The following DNAH14 variants were observed in gnomAD, a reference collection of about 807,000 sequenced individuals.
DNAH14 encodes the protein dynein axonemal heavy chain 14.
In DNAH14, 478 loss-of-function variants were observed where a neutral mutation model predicts 520.9. That is an observed-to-expected ratio of 0.92 (90% confidence interval 0.85 to 0.99). The LOEUF (loss-of-function observed/expected upper bound fraction) is 0.99, where lower values mean the gene tolerates loss of function less well. DNAH14 is among the 50% of genes least tolerant of loss of function. DNAH14 has a pLI of 0.00. For missense variants in DNAH14, 4,831 were observed against 5,234.5 expected, an observed-to-expected ratio of 0.92 and a Z score of 2.38; for synonymous variants, 1,581 against 1,757.2, an observed-to-expected ratio of 0.90 and a Z score of 2.51.
intron 7 of DNAH14, among the ~76,000 whole-genome samples, chr1:224,970,795 A>C (rs931269001): frequency 6.6e-6 from 1 of 151,888 alleles, no homozygotes; most frequent in Non-Finnish European, 1.5e-5. Flanking sequence ...GTTCAAACCC[A>C]TGTTGTTCAA....
chr1:225,092,325 C>A (rs981854377), intron 21 of DNAH14, among the ~76,000 whole-genome samples: 3 of 151,906 alleles, frequency 2.0e-5, no homozygotes, highest in Non-Finnish European at 4.4e-5. Context: ...TAAATCATAC[C>A]AACCACACTC....
At chr1:225,242,029 C>T (rs1192894699) in intron 43 of DNAH14, among the ~76,000 whole-genome samples, 1 of 152,132 alleles carries the variant, frequency 6.6e-6, no homozygotes, top group Non-Finnish European at 1.5e-5. Flanking sequence ...TCAAGACTAG[C>T]TTGGGCAACA....
chr1:224,995,003 A>G (rs2063303221), intron 8 of DNAH14, among the ~76,000 whole-genome samples: 1 of 152,142 alleles, frequency 6.6e-6, no homozygotes. Context: ...ATTTCGTAAT[A>G]TGTATCCACT....
intron 54 of DNAH14, among the ~76,000 whole-genome samples, chr1:225,285,588 G>A (rs1264654585): frequency 6.6e-6 from 1 of 151,494 alleles, no homozygotes; most frequent in Non-Finnish European, 1.5e-5. Context: ...CCAGTGTGGT[G>A]GCTCATGCCT....
chr1:225,320,149 C>T (rs2094534020), intron 61 of DNAH14, among the ~76,000 whole-genome samples: 1 of 152,176 alleles, frequency 6.6e-6, no homozygotes, highest in Non-Finnish European at 1.5e-5. Flanking sequence ...TGGTTAAGCA[C>T]ATGGGCTCTG....
intron 8 of DNAH14, among the ~76,000 whole-genome samples, 169 bp downstream of exon 8, chr1:224,974,322 G>A (rs373469813): frequency 1.3e-5 from 2 of 152,002 alleles, no homozygotes; most frequent in East Asian, 3.8e-4. Context: ...ATTAAACACT[G>A]TGTTTTGCAG....
At chr1:225,233,222 G>A (rs546786594) in intron 42 of DNAH14, among the ~76,000 whole-genome samples, 40 of 152,112 alleles carry the variant, frequency 2.6e-4, no homozygotes, top group Non-Finnish European at 5.0e-4. Flanking sequence ...GGGCATTTAG[G>A]TTGATTCCAT....
intron 41 of DNAH14, among the ~76,000 whole-genome samples, chr1:225,223,444 C>T (rs920434499): frequency 6.6e-6 from 1 of 152,082 alleles, no homozygotes. Context: ...AGACAAGTTA[C>T]AAAGAGCCCA....
chr1:225,333,411 T>A lies in DNAH14; in HGVS notation c.9985T>A (p.Leu3329Met). ...SGILTPEFRQ[L>M]IVNKWETFCI... ...AATTTTAACACCAGAATTTCGCCAGTTGATTGTGAATAAATGGGAGACATT... is the reference window on the plus strand; with the variant it reads ...AATTTTAACACCAGAATTTCGCCAGATGATTGTGAATAAATGGGAGACATT... The change falls in exon 66 of 86, where the codon TTG (leucine) becomes ATG (methionine). Residue 3329 changes from leucine (L) to methionine (M), a missense_variant. Coordinates refer to ENST00000682510, the MANE Select transcript of DNAH14 (RefSeq NM_001367479.1). 6.4e-7 allele frequency: 1 copy of A among 1,551,574 alleles called. No individual in the cohort carries two copies. Among genetic ancestry groups the A allele is most frequent in the Non-Finnish European group, 8.7e-7 (1 of 1,146,902 alleles).
intron 56 of DNAH14, among the ~76,000 whole-genome samples, 166 bp downstream of exon 56, chr1:225,301,196 G>C (rs887517965): frequency 6.6e-6 from 1 of 152,012 alleles, no homozygotes; most frequent in Non-Finnish European, 1.5e-5. Flanking sequence ...ATACCCTTCG[G>C]TAGGTCAAAA....
chr1:225,288,565 G>A (rs1340381727), intron 54 of DNAH14, among the ~76,000 whole-genome samples: 1 of 152,022 alleles, frequency 6.6e-6, no homozygotes, highest in Non-Finnish European at 1.5e-5. Flanking sequence ...AATTGGATGT[G>A]GATATATGAC....
At chr1:225,106,481 A>G (rs3101914) in intron 23 of DNAH14, among the ~76,000 whole-genome samples, 30,544 of 151,884 alleles carry the variant, frequency 0.2, 6,364 homozygotes, top group African/African-American at 0.52. Flanking sequence ...AGTGTTTTCC[A>G]ACTTGGTTCC....
At chr1:225,153,644 C>T (rs2149100543) in intron 33 of DNAH14, 106 bp from the exon 34 acceptor site, 1 of 707,056 alleles carries the variant, frequency 1.4e-6, no homozygotes, top group Non-Finnish European at 2.2e-6. Context: ...TCACTGTTTC[C>T]CTGCAGAGCA....
intron 17 of DNAH14, among the ~76,000 whole-genome samples, chr1:225,065,388 A>G (rs1192190856): frequency 1.3e-5 from 2 of 151,632 alleles, no homozygotes; most frequent in Middle Eastern, 3.2e-3. Flanking sequence ...TGATTTTGAA[A>G]TGCACAGTAC....
intron 68 of DNAH14, 39 bp from the exon 69 acceptor site, chr1:225,340,418 A>G (rs1050837592): frequency 2.7e-6 from 4 of 1,490,668 alleles, no homozygotes; most frequent in Non-Finnish European, 3.6e-6. Context: ...TTTTTCTTCT[A>G]CATGTTCTTT....
intron 38 of DNAH14, among the ~76,000 whole-genome samples, chr1:225,194,004 G>A (rs921925034): frequency 3.3e-5 from 5 of 151,700 alleles, no homozygotes; most frequent in African/African-American, 9.7e-5. Context: ...GGTGAAAGAT[G>A]TCTATAATGA....
At chr1:225,148,384 A>AGTAATGTT (rs2080147620) in intron 31 of DNAH14, among the ~76,000 whole-genome samples, 1 of 144,820 alleles carries the variant, frequency 6.9e-6, no homozygotes, top group Non-Finnish European at 1.5e-5. Flanking sequence ...TCTAATGATC[A>AGTAATGTT]GTAATGTTGA....
chr1:225,313,966 G>A (rs1176979025), intron 60 of DNAH14, among the ~76,000 whole-genome samples: 1 of 152,118 alleles, frequency 6.6e-6, no homozygotes, highest in Non-Finnish European at 1.5e-5. Flanking sequence ...GCTTGGTCCT[G>A]AGCTGAGTTC....
At chr1:225,230,618 A>C (rs2091009883) in intron 41 of DNAH14, among the ~76,000 whole-genome samples, 2 of 152,158 alleles carry the variant, frequency 1.3e-5, no homozygotes, top group South Asian at 4.1e-4. Flanking sequence ...GGATGACTAC[A>C]ATCTGCCTAA....
Sources: gnomAD v4.1 joint callset for allele counts (sites outside exome capture counted in the v4.1 genomes callset) on GRCh38, gnomAD v4.1.1 for gene constraint, MANE v1.5 for transcripts, NCBI Gene and HGNC (gene_info 2026-07-23, HGNC 2026-07-21) for gene names.